Variants in HGS observed in about 807,000 individuals in gnomAD.
HGS encodes human growth factor-regulated tyrosine kinase substrate.
In HGS, 63 loss-of-function variants were observed where a neutral mutation model predicts 109.7. That is an observed-to-expected ratio of 0.57 (90% CI 0.47 to 0.71). The LOEUF is 0.71. HGS is among the 30% of genes least tolerant of loss of function. The pLI is 0.00. For synonymous variants in HGS, 546 were observed against 437.3 expected, an observed-to-expected ratio of 1.25 and a Z score of -3.10; for missense variants, 995 against 1,068.3, an observed-to-expected ratio of 0.93 and a Z score of 0.96.
rs764845907 is a variant in HGS at position 81,688,698 on chromosome 17, C to T, written c.292-6C>T. 5.0e-6 allele frequency: 8 copies of T among 1,613,646 alleles called. No individual in the cohort carries two copies. The Admixed American group carries it at 8.3e-5, about 17-fold the overall frequency. ...GCGACCCTCACCCCCTTCTCCCTGC[C>T]TGCAGAGACAAGTGGAGGTAAACGT... On this transcript the variant is annotated splice_region_variant and splice_polypyrimidine_tract_variant and intron_variant, in intron 4 of 21. Coordinates refer to ENST00000329138, the MANE Select transcript of HGS (RefSeq NM_004712.5).
chr17:81,691,235 A>G lies in HGS; in HGVS notation c.538-212A>G. The stretch of plus-strand genomic sequence containing the variant: ...CTTGCCCTTACTTTTAACTTACCTT[A>G]TTTTCCCCAAAACGGTGGCTGGCGT... On this transcript the variant is annotated intron_variant, in intron 7 of 21. Transcript: ENST00000329138. The surrounding 1 kb of genome is among the most constrained non-coding windows in gnomAD (Gnocchi z 5.3). The G allele has an allele frequency of 5.2e-6, 3 of 581,080 alleles. No homozygotes were observed. The highest frequency in any genetic ancestry group is 2.9e-5 in the East Asian group (1 of 34,424). 36.0% of individuals were successfully genotyped at this position (581,080 alleles called of 1,614,324 possible). A position where few individuals can be genotyped will look rare whatever the true frequency, so the allele number is the denominator to read the frequency against.
intron 5 of HGS, 68 bp from the exon 6 acceptor site, chr17:81,690,114 G>A: frequency 1.3e-6 from 2 of 1,546,182 alleles, no homozygotes; most frequent in Non-Finnish European, 1.8e-6. Context: ...CCGAGAGTGA[G>A]GAAGGGGCTC....
chr17:81,697,144 C>T (rs2037164898), intron 18 of HGS, 146 bp downstream of exon 18: 4 of 870,222 alleles, frequency 4.6e-6, no homozygotes, highest in South Asian at 2.0e-5. Context: ...TGTTTCCATG[C>T]AAACGCACTC....
rs752436523 is a variant in HGS, at chr17:81,687,044, T to C, written c.240T>C (p.His80=). 21 of 1,613,272 alleles carry C rather than the reference T, an allele frequency of 1.3e-5. No individual in the cohort carries two copies. In the African/African-American group the frequency reaches 2.0e-4, roughly 15 times the overall value. Residue 80 remains histidine, a synonymous_variant, in exon 4 of 22, where the codon CAT becomes CAC. Transcript: ENST00000329138. ...SVVKNCGQTV[H]DEVANKQTME... The stretch of plus-strand genomic sequence containing the variant: ...TAAAGAACTGTGGCCAGACAGTTCA[T>C]GATGAGGTGGCCAACAAGCAGACCA...
At chr17:81,686,615 C>T (rs551814891) in intron 3 of HGS, among the ~76,000 whole-genome samples, 4 of 152,304 alleles carry the variant, frequency 2.6e-5, no homozygotes, top group South Asian at 2.1e-4. Context: ...CTTCTTCAGC[C>T]GGTCCTGCGT....
chr17:81,691,766 A>G lies in HGS; in HGVS notation c.662+195A>G. On this transcript the variant is annotated intron_variant, in intron 8 of 21. Transcript: ENST00000329138. This position sits in a 1 kb window ranked among gnomAD's most constrained non-coding sequence, Gnocchi z 5.3. ...CCCCACACTAGGGCAGGTGGGTGTG[A>G]GAGACAGGGCGCCGCGGCTCCAGGG... 1.6e-6 allele frequency: 1 copy of G among 611,592 alleles called. No individual in the cohort carries two copies. Among genetic ancestry groups the G allele is most frequent in the African/African-American group, 1.8e-5 (1 of 54,284 alleles). 37.9% of individuals were successfully genotyped at this position (611,592 alleles called of 1,614,324 possible).
At chr17:81,694,591 A>G (rs2037115128) in intron 11 of HGS, among the ~76,000 whole-genome samples, 1 of 152,228 alleles carries the variant, frequency 6.6e-6, no homozygotes, top group Admixed American at 6.5e-5. Context: ...TAGCAAGGTT[A>G]GGAGCCTTGT....
In HGS at chr17:81,696,379, C is replaced by A; in HGVS notation, c.1416C>A (p.Asp472Glu). The A allele has an allele frequency of 1.3e-6, 2 of 1,588,480 alleles. No homozygotes were observed. The highest frequency in any genetic ancestry group is 8.5e-7 in the Non-Finnish European group (1 of 1,169,898). The change falls in exon 16 of 22, where the codon GAC becomes GAA. Residue 472 changes from aspartate to glutamate, a missense_variant. By Grantham distance (45) the Asp-to-Glu change is conservative (BLOSUM62 2). Coordinates refer to ENST00000329138, the MANE Select transcript of HGS (RefSeq NM_004712.5). ...CAGTGTACTATGAGGGGCTGCAGGA[C>A]AAGCTGGCACAGATCCGCGATGCCC... is the stretch of plus-strand genomic sequence containing the variant. Reference protein sequence around the residue: ...ERRLYYEGLQDKLAQIRDARG... With the variant: ...ERRLYYEGLQEKLAQIRDARG...
chr17:81,690,783 A>G (rs1235248119), intron 7 of HGS, 41 bp downstream of exon 7: 2 of 1,570,426 alleles, frequency 1.3e-6, no homozygotes, highest in African/African-American at 1.4e-5. Context: ...CCGGCCAGAC[A>G]CCAGGTCCCC....
At position 81,701,488 on chromosome 17, in the gene HGS, C is replaced by T. The variant is rs777735314; in HGVS notation, c.2224-20C>T. 4 of 1,538,620 alleles carry T rather than the reference C, an allele frequency of 2.6e-6. No homozygotes were observed. The East Asian group carries it at 9.7e-5, about 37-fold the overall frequency. ...TGGGGAAGGGAGGACCAGGGCCATG[C>T]CTGCTTTCCTCCTGCACAGATGGCA... On this transcript the variant is annotated intron_variant, in intron 21 of 21. Coordinates refer to ENST00000329138, the MANE Select transcript of HGS (RefSeq NM_004712.5).
intron 2 of HGS, 21 bp downstream of exon 2, chr17:81,685,710 C>T (rs373989935): frequency 1.4e-5 from 23 of 1,596,622 alleles, no homozygotes; most frequent in Non-Finnish European, 2.0e-5. Context: ...GGGGCCTGTG[C>T]CCTGATGCGG....
intron 3 of HGS, among the ~76,000 whole-genome samples, chr17:81,686,682 A>G (rs2036984855): frequency 6.6e-6 from 1 of 152,282 alleles, no homozygotes; most frequent in Admixed American, 6.5e-5. Flanking sequence ...ACTTGGCGTC[A>G]CGGAGCGGTG....
At position 81,693,564 on chromosome 17, in the gene HGS, CT is replaced by C. The variant is rs1568215805; in HGVS notation, c.725del (p.Leu242ArgfsTer39). On this transcript the variant is annotated frameshift_variant, in exon 9 of 22. Transcript: ENST00000329138. LOFTEE classifies it high-confidence loss of function. ...ELPPEYLTSP[L>X]SQQSQLPPKR... ...GCCCCCCGAGTACCTGACCAGCCCC[CT>C]GTCTCAGCAGTCCCAGGTACTCAGC... 1 of 1,611,854 alleles carries C rather than the reference CT, an allele frequency of 6.2e-7. No homozygotes were observed. Among genetic ancestry groups the C allele is most frequent in the Non-Finnish European group, 8.5e-7 (1 of 1,178,602 alleles).
rs762444912 is a variant in HGS at position 81,695,857 on chromosome 17, C to G, written c.1251C>G (p.Thr417=). 2.5e-6 allele frequency: 4 copies of G among 1,613,434 alleles called. No homozygotes were observed. The highest frequency in any genetic ancestry group is 3.4e-6 in the Non-Finnish European group (4 of 1,180,014). The part of the protein sequence containing the change: ...QFLKALQNAV[T]TFVNRMKSNH... ...TGAAGGCGCTGCAGAACGCCGTCAC[C>G]ACCTTCGTGAACCGCATGAAGAGTA... The change falls in exon 15 of 22, where the codon ACC becomes ACG. Residue 417 remains threonine, a synonymous_variant. Coordinates refer to ENST00000329138, the MANE Select transcript of HGS (RefSeq NM_004712.5).
chr17:81,690,162 C>T lies in HGS; in HGVS notation c.416-20C>T, dbSNP rs758760749. ...CAGGCCAGGTGGGAGCAGGCAGTGACTATGGCTTCATCTCTCCAGGGCACG... is the reference window on the plus strand; with the variant it reads ...CAGGCCAGGTGGGAGCAGGCAGTGATTATGGCTTCATCTCTCCAGGGCACG... On this transcript the variant is annotated intron_variant, in intron 5 of 21. Coordinates refer to ENST00000329138, the MANE Select transcript of HGS (RefSeq NM_004712.5). The T allele has an allele frequency of 5.0e-6, 8 of 1,611,176 alleles. No individual in the cohort carries two copies. In the East Asian group the frequency reaches 1.6e-4, roughly 31 times the overall value.
At chr17:81,696,251 C>T (rs1290225316) in intron 15 of HGS, 106 bp from the exon 16 acceptor site, 9 of 1,360,026 alleles carry the variant, frequency 6.6e-6, no homozygotes, top group Non-Finnish European at 4.9e-6. Flanking sequence ...TCAGAGCCCT[C>T]TGCAGAAGGT....
rs141113642 is a variant in HGS at position 81,701,089 on chromosome 17, C to T, written c.2181C>T (p.Pro727=). ...TLPSQDASLP[P]QQPYIAGQQP... ...CAAGCCAGGATGCGTCTCTGCCACC[C>T]CAGCAGCCCTACATCGCGGGGCAGC... Residue 727 remains proline, a synonymous_variant, in exon 21 of 22, where the codon CCC becomes CCT. Transcript: ENST00000329138. The T allele has an allele frequency of 2.5e-6, 4 of 1,614,092 alleles. No individual in the cohort carries two copies. In the African/African-American group the frequency reaches 4.0e-5, roughly 16 times the overall value.
At position 81,696,018 on chromosome 17, in the gene HGS, G is replaced by A. The variant is rs1032866318; in HGVS notation, c.1393+19G>A. On this transcript the variant is annotated intron_variant, in intron 15 of 21. Transcript: ENST00000329138. ...CGCAGGCGTAGGTGCCCGCGCCACGGGGCCTCGGCTCAGGGGCAGCCAGGT... is the reference window on the plus strand; with the variant it reads ...CGCAGGCGTAGGTGCCCGCGCCACGAGGCCTCGGCTCAGGGGCAGCCAGGT... 6.5e-7 allele frequency: 1 copy of A among 1,531,746 alleles called. No homozygotes were observed. Among genetic ancestry groups the A allele is most frequent in the African/African-American group, 1.4e-5 (1 of 72,682 alleles). 94.9% of individuals were successfully genotyped at this position (1,531,746 alleles called of 1,614,324 possible). A position where few individuals can be genotyped will look rare whatever the true frequency, so the allele number is the denominator to read the frequency against.
chr17:81,696,754 G>A lies in HGS; in HGVS notation c.1707+7G>A. ...CCCCCTGCCCTACGCCCAGGCATGTGCCATCCTCCCGCCACCCAGAGGCTT... is the reference window on the plus strand; with the variant it reads ...CCCCCTGCCCTACGCCCAGGCATGTACCATCCTCCCGCCACCCAGAGGCTT... On this transcript the variant is annotated splice_region_variant and intron_variant, in intron 17 of 21. Coordinates refer to ENST00000329138, the MANE Select transcript of HGS (RefSeq NM_004712.5). The A allele has an allele frequency of 1.2e-6, 2 of 1,604,180 alleles. No homozygotes were observed. The highest frequency in any genetic ancestry group is 8.5e-7 in the Non-Finnish European group (1 of 1,173,750).
Sources: gnomAD v4.1 joint callset for allele counts (sites outside exome capture counted in the v4.1 genomes callset) on GRCh38, gnomAD v4.1.1 for gene constraint, Gnocchi (gnomAD v3.1) non-coding constraint, MANE v1.5 for transcripts, NCBI Gene and HGNC (gene_info 2026-07-23, HGNC 2026-07-21) for gene names.